ZFP64: variants seen among roughly 807,000 people sequenced by gnomAD.
ZFP64 encodes the protein zinc finger protein 64.
Under a neutral mutation model 51.6 loss-of-function variants are expected in ZFP64, and 14 were observed. That is an observed-to-expected ratio of 0.27 (90% CI 0.18 to 0.42). ZFP64 has a LOEUF of 0.42. ZFP64 is among the 10% of genes least tolerant of loss of function. The pLI is 1.00. For missense variants in ZFP64, 754 were observed against 906.8 expected (o/e 0.83, Z 2.16); for synonymous variants, 375 against 361.4 (o/e 1.04, Z -0.43).
At chr20:52,087,140 T>G (rs1168237918) in intron 8 of ZFP64, among the ~76,000 whole-genome samples, 2 of 152,200 alleles carry the variant, frequency 1.3e-5, no homozygotes, top group African/African-American at 2.4e-5. Flanking sequence ...CCCAGACATA[T>G]TTCTAGATAT....
intron 7 of ZFP64, among the ~76,000 whole-genome samples, chr20:52,089,820 A>C (rs1032253638): frequency 1.3e-5 from 2 of 151,924 alleles, no homozygotes; most frequent in African/African-American, 4.8e-5. Context: ...AGGTTCATCT[A>C]TGGTAAAAAT....
chr20:52,170,478 C>T (rs992883262), intron 2 of ZFP64, among the ~76,000 whole-genome samples: 2 of 152,068 alleles, frequency 1.3e-5, no homozygotes, highest in African/African-American at 4.8e-5. Context: ...AACCCAACAG[C>T]AAAGGGATTC....
chr20:52,095,644 C>CG (rs1352399057), intron 7 of ZFP64, among the ~76,000 whole-genome samples: 3 of 152,112 alleles, frequency 2.0e-5, no homozygotes, highest in Non-Finnish European at 4.4e-5. Context: ...ACTAGGGAGG[C>CG]GCGTCTGCTT....
rs764044278 is a variant in ZFP64 at position 52,098,486 on chromosome 20, C to A, written c.865G>T (p.Glu289Ter). 4 of 1,614,120 alleles carry A rather than the reference C, an allele frequency of 2.5e-6. No homozygotes were observed. In the South Asian group the frequency reaches 3.3e-5, roughly 13 times the overall value. The change falls in exon 6 of 9, where the codon GAA (glutamate) becomes TAA (stop). Residue 289 changes from glutamate to a stop codon, truncating the protein, a stop_gained. Transcript: ENST00000361387. LOFTEE classifies it high-confidence loss of function. ...CTCTCTCCAAGGGTGGCCATTTGTT[C>A]CCTTGCCTCTGAGGGAAGAGTGATG... is the stretch of plus-strand genomic sequence containing the variant.
intron 3 of ZFP64, chr20:52,165,649 A>G: frequency 1.4e-6 from 1 of 725,840 alleles, no homozygotes; most frequent in Non-Finnish European, 2.4e-6. Context: ...TCAAAGGCCT[A>G]TGGCTAGAAA....
At chr20:52,124,217 C>T (rs530563252) in intron 5 of ZFP64, among the ~76,000 whole-genome samples, 52 of 141,650 alleles carry the variant, frequency 3.7e-4, no homozygotes, top group African/African-American at 1.3e-3. Context: ...AAAAGTCAGA[C>T]TATTGGCCAC....
At position 52,151,341 on chromosome 20, in the gene ZFP64, AT is replaced by A. The variant is rs201398029; in HGVS notation, c.*804del. The stretch of plus-strand genomic sequence containing the variant: ...CATTTTCTGCTCATTAGCACTAAAC[AT>A]TTTTTTTTGGGTCAAGTATCCATGT... On this transcript the variant is annotated 3_prime_UTR_variant, in exon 6 of 6. Coordinates refer to ENST00000216923, the MANE Select transcript of ZFP64 (RefSeq NM_018197.3). The A allele has an allele frequency of 8.6e-4, 834 of 973,168 alleles. 3 individuals are homozygous for A. The African/African-American group carries it at 9.4e-3, about 11-fold the overall frequency. 60.3% of individuals were successfully genotyped at this position (973,168 alleles called of 1,614,324 possible).
chr20:52,180,332 C>A (rs1475025710), intron 2 of ZFP64, among the ~76,000 whole-genome samples: 2 of 152,186 alleles, frequency 1.3e-5, no homozygotes, highest in East Asian at 1.9e-4. Flanking sequence ...TAATTGACTT[C>A]TTAATTTAAT....
chr20:52,118,955 C>A (rs373342217), intron 5 of ZFP64, among the ~76,000 whole-genome samples: 9 of 152,108 alleles, frequency 5.9e-5, no homozygotes, highest in East Asian at 5.8e-4. Flanking sequence ...CTGGCTGGGG[C>A]AACATAGTGA....
intron 2 of ZFP64, among the ~76,000 whole-genome samples, chr20:52,182,342 C>T (rs1983670455): frequency 1.3e-5 from 2 of 152,160 alleles, no homozygotes; most frequent in African/African-American, 4.8e-5. Context: ...GCATTCAGGA[C>T]AGTCAACAAA....
In ZFP64 at chr20:52,171,185, G is replaced by A. The variant is rs6096805; in HGVS notation, c.287-5160C>T. ...ATCAAGGGTATCCCTTCCCACACAC[G>A]TGGCCTTTCTAGAATCTGCTGTGAA... On this transcript the variant is annotated intron_variant, in intron 2 of 5. Coordinates refer to ENST00000216923, the MANE Select transcript of ZFP64 (RefSeq NM_018197.3). Among the ~76,000 whole-genome samples the A allele has an allele frequency of 8.4e-3, 1,277 of 152,220 alleles. 20 individuals carry two copies. The highest frequency in any genetic ancestry group is 0.029 in the African/African-American group (1,200 of 41,530).
intron 7 of ZFP64, among the ~76,000 whole-genome samples, chr20:52,090,526 C>CA (rs1385677171): frequency 6.6e-6 from 1 of 152,082 alleles, no homozygotes. Flanking sequence ...GGCGACTGGG[C>CA]ATGGTGGCTC....
intron 5 of ZFP64, among the ~76,000 whole-genome samples, chr20:52,123,876 T>TGG (rs200060812): frequency 2.4e-4 from 26 of 109,896 alleles, no homozygotes; most frequent in African/African-American, 8.0e-4. Context: ...TTTTCTTTTT[T>TGG]GGGGGGGGGA....
chr20:52,113,360 G>A (rs1328883442), intron 5 of ZFP64, among the ~76,000 whole-genome samples: 3 of 113,678 alleles, frequency 2.6e-5, no homozygotes, highest in Non-Finnish European at 5.6e-5. Flanking sequence ...AAGAAAGAAA[G>A]AAAACTAGAC....
At chr20:52,176,505 C>CTCTTTTTTTTTTT (rs1555810297) in intron 2 of ZFP64, among the ~76,000 whole-genome samples, 2 of 136,724 alleles carry the variant, frequency 1.5e-5, no homozygotes, top group African/African-American at 2.8e-5. Flanking sequence ...TTCAATCTCT[C>CTCTTTTTTTTTTT]TTTTTTTTTT....
rs1156545584 is a variant in ZFP64 at position 52,144,578 on chromosome 20, C to CAAAAAAAAAAAAAAAAAAAAAA, written c.763+15523_763+15544dup. On this transcript the variant is annotated intron_variant, in intron 5 of 8. Transcript: ENST00000361387. ...CTGGTGACAGAGCGAGACTCCGTCT[C>CAAAAAAAAAAAAAAAAAAAAAA]AAAAAAAAAAAAAAAAAAAAAAAAT... Among the ~76,000 whole-genome samples the CAAAAAAAAAAAAAAAAAAAAAA allele has an allele frequency of 9.4e-4, 22 of 23,320 alleles. 1 individual carries two copies. Among genetic ancestry groups the CAAAAAAAAAAAAAAAAAAAAAA allele is most frequent in the African/African-American group, 2.2e-3 (12 of 5,540 alleles). 15.3% of individuals were successfully genotyped at this position (23,320 alleles called of 152,430 possible). A position where few individuals can be genotyped will look rare whatever the true frequency, so the allele number is the denominator to read the frequency against.
chr20:52,111,150 G>A (rs1978549507), intron 5 of ZFP64: 11 of 691,634 alleles, frequency 1.6e-5, no homozygotes, highest in South Asian at 9.5e-5. Flanking sequence ...GTTCCGCGAC[G>A]GGGAGGTGGG....
At chr20:52,146,380 C>T (rs1309094313), downstream of ZFP64, among the ~76,000 whole-genome samples, 4 of 145,188 alleles carry the variant, frequency 2.8e-5, no homozygotes, top group Admixed American at 2.8e-4. Context: ...ACATATACAC[C>T]ATGGAATACT....
At chr20:52,130,894 A>G (rs958162757) in intron 5 of ZFP64, among the ~76,000 whole-genome samples, 4 of 151,908 alleles carry the variant, frequency 2.6e-5, no homozygotes, top group Admixed American at 6.6e-5. Context: ...GTGAAACACC[A>G]TCTCTACTAA....
Sources: allele counts gnomAD v4.1 joint callset (sites outside exome capture counted in the v4.1 genomes callset), GRCh38; gene constraint gnomAD v4.1.1; transcripts MANE v1.5; gene names NCBI Gene and HGNC (gene_info 2026-07-23, HGNC 2026-07-21).